The following RSF1 variants were observed in gnomAD, a reference collection of about 807,000 sequenced individuals.
RSF1 encodes the protein remodeling and spacing factor 1.
A neutral mutation model predicts 145.2 loss-of-function variants in RSF1; 13 were observed. The ratio of observed to expected loss-of-function variants is 0.09; its 90% CI spans 0.06 to 0.14. The LOEUF is 0.14. Ranked by LOEUF, RSF1 falls within the 10% of genes least tolerant of loss-of-function variation. The pLI is 1.00. For missense variants in RSF1, 1,517 were observed against 1,718.2 expected (o/e 0.88, Z 2.07); for synonymous variants, 577 against 592.6 (o/e 0.97, Z 0.38).
rs77982902 is a variant in RSF1 at position 77,777,056 on chromosome 11, A to T, written c.188-12367T>A. 8.1e-3 allele frequency among the ~76,000 whole-genome samples: 1,229 copies of T among 152,176 alleles called. 10 individuals are homozygous for T. Among genetic ancestry groups the T allele is most frequent in the African/African-American group, 0.027 (1,112 of 41,524 alleles). On this transcript the variant is annotated intron_variant, in intron 1 of 15. Transcript: ENST00000308488. ...CAGACTAGTACAATAAAACCTCATG[A>T]CCTCATCACCTCACTTAAACAATTA...
In RSF1 at chr11:77,660,537, A is replaced by G. The variant is rs1959221992; in HGVS notation, c.*6380T>C. The G allele has an allele frequency of 6.6e-6, 1 of 152,076 alleles. No individual in the cohort carries two copies. The highest frequency in any genetic ancestry group is 2.4e-5 in the African/African-American group (1 of 41,416). The allele number at this position is 152,076 out of a possible 1,614,324, so 9.4% of individuals were successfully genotyped here. A position where few individuals can be genotyped will look rare whatever the true frequency, so the allele number is the denominator to read the frequency against. On this transcript the variant is annotated 3_prime_UTR_variant, in exon 16 of 16. Transcript: ENST00000308488. Reference sequence around the variant, plus strand: ...TGCCAATCTTGGAGCTTCTGCTTTAAATCTCATCTCCTAGAAACCAAATAA... The same window carrying G: ...TGCCAATCTTGGAGCTTCTGCTTTAGATCTCATCTCCTAGAAACCAAATAA...
intron 9 of RSF1, among the ~76,000 whole-genome samples, chr11:77,690,788 A>G (rs1382552358): frequency 6.6e-6 from 1 of 152,234 alleles, no homozygotes; most frequent in African/African-American, 2.4e-5. Context: ...TAAGCATGCA[A>G]TCTTGGCAGG....
At chr11:77,731,826 G>A (rs1961212737) in intron 4 of RSF1, among the ~76,000 whole-genome samples, 1 of 152,258 alleles carries the variant, frequency 6.6e-6, no homozygotes, top group Non-Finnish European at 1.5e-5. Context: ...TTCAGAAGAT[G>A]TATGGAAACA....
At chr11:77,818,838 TTAC>T (rs1274637660) in intron 1 of RSF1, among the ~76,000 whole-genome samples, 2 of 152,180 alleles carry the variant, frequency 1.3e-5, no homozygotes, top group Admixed American at 6.5e-5. Context: ...GATAATGAAA[TTAC>T]TACAATGGGA....
chr11:77,800,400 G>A (rs1312688213), intron 1 of RSF1, among the ~76,000 whole-genome samples: 1 of 152,052 alleles, frequency 6.6e-6, no homozygotes, highest in Non-Finnish European at 1.5e-5. Flanking sequence ...GCTGAGGCAG[G>A]AGAATCATTT....
At chr11:77,686,514 G>A (rs1316214887) in intron 9 of RSF1, among the ~76,000 whole-genome samples, 1 of 149,968 alleles carries the variant, frequency 6.7e-6, no homozygotes, top group Non-Finnish European at 1.5e-5. Flanking sequence ...AAATTGAACT[G>A]AACTGAAATA....
intron 5 of RSF1, among the ~76,000 whole-genome samples, chr11:77,705,590 C>T (rs1456391692): frequency 6.6e-6 from 1 of 152,210 alleles, no homozygotes; most frequent in African/African-American, 2.4e-5. Context: ...GCACTTGCCT[C>T]CTCAAACACC....
the RSF1 span, among the ~76,000 whole-genome samples, chr11:77,868,507 C>T: frequency 6.6e-3 from 998 of 151,574 alleles, 16 homozygotes; most frequent in African/African-American, 0.023. Context: ...TACAGGCACG[C>T]GCCACCACAC....
At chr11:77,820,956 C>T (rs1321143258), upstream of RSF1, 4 of 552,710 alleles carry the variant, frequency 7.2e-6, no homozygotes, top group Non-Finnish European at 1.3e-5. Context: ...CCTCTTTCCG[C>T]CCCCTTCTCT....
At chr11:77,710,359 T>C (rs181851105) in intron 5 of RSF1, among the ~76,000 whole-genome samples, 348 of 152,344 alleles carry the variant, frequency 2.3e-3, no homozygotes, top group African/African-American at 7.5e-3. Context: ...AGTCACCACA[T>C]AGTACATATC....
chr11:77,818,662 C>A (rs185770591), intron 1 of RSF1, among the ~76,000 whole-genome samples: 82 of 152,006 alleles, frequency 5.4e-4, no homozygotes, highest in African/African-American at 1.9e-3. Flanking sequence ...ACCTGTAATC[C>A]CAGCTACTCG....
rs188489406 is a variant in RSF1, at chr11:77,673,682, A to G, written c.3562+1354T>C. Among the ~76,000 whole-genome samples, 215 of 152,352 alleles carry G rather than the reference A, an allele frequency of 1.4e-3. 1 individual carries two copies. The highest frequency in any genetic ancestry group is 3.5e-3 in the African/African-American group (146 of 41,578). ...AGGAACTAAAACTAGCAGGTGAAAT[A>G]TAAGGAAAAGGATATTTAAATAGTC... is the stretch of plus-strand genomic sequence containing the variant. On this transcript the variant is annotated intron_variant, in intron 14 of 15. Transcript: ENST00000308488.
chr11:77,762,151 G>A (rs538400602), intron 2 of RSF1: 3 of 145,694 alleles, frequency 2.1e-5, no homozygotes, highest in East Asian at 2.1e-4. Flanking sequence ...TTACACATGT[G>A]AGCCACTGTG....
chr11:77,852,166 G>A, the RSF1 span, among the ~76,000 whole-genome samples: 1 of 126,780 alleles, frequency 7.9e-6, no homozygotes, highest in Non-Finnish European at 1.6e-5. Context: ...TTGTGCCCAG[G>A]AGGTCAAGGC....
chr11:77,746,500 C>G (rs1255014463), intron 3 of RSF1, among the ~76,000 whole-genome samples: 2 of 152,114 alleles, frequency 1.3e-5, no homozygotes, highest in Admixed American at 1.3e-4. Context: ...AATGTTTTCA[C>G]AAAGAATATT....
chr11:77,798,383 G>C (rs1207755071), intron 1 of RSF1, among the ~76,000 whole-genome samples: 1 of 151,534 alleles, frequency 6.6e-6, no homozygotes, highest in Admixed American at 6.6e-5. Context: ...TCAGGAGCTC[G>C]AGATCAGCCT....
At chr11:77,722,274 C>G (rs1006757464) in intron 5 of RSF1, among the ~76,000 whole-genome samples, 1 of 152,208 alleles carries the variant, frequency 6.6e-6, no homozygotes, top group Non-Finnish European at 1.5e-5. Context: ...AGACCATTTT[C>G]TCTTAGTTGT....
intron 15 of RSF1, among the ~76,000 whole-genome samples, chr11:77,671,289 C>T (rs1959542501): frequency 6.8e-6 from 1 of 146,862 alleles, no homozygotes; most frequent in African/African-American, 2.6e-5. Flanking sequence ...TTGTCTTGTA[C>T]TACTGGTAGG....
At chr11:77,714,685 T>C (rs770264151) in intron 5 of RSF1, among the ~76,000 whole-genome samples, 4 of 151,890 alleles carry the variant, frequency 2.6e-5, no homozygotes, top group African/African-American at 9.7e-5. Flanking sequence ...CTACAGAAAA[T>C]ACAAAAATTA....
Sources: allele counts gnomAD v4.1 joint callset (sites outside exome capture counted in the v4.1 genomes callset), GRCh38; gene constraint gnomAD v4.1.1; transcripts MANE v1.5; gene names NCBI Gene and HGNC (gene_info 2026-07-23, HGNC 2026-07-21).